Variants in ELFN2 observed in about 807,000 individuals in gnomAD.
ELFN2 encodes extracellular leucine rich repeat and fibronectin type III domain containing 2, also known as protein phosphatase 1 regulatory subunit 29.
ELFN2 carries 17 observed loss-of-function variants against 45.5 expected under a neutral mutation model. The observed-to-expected ratio is 0.37, with a 90% CI of 0.26 to 0.56. ELFN2 has a LOEUF of 0.56. Among genes scored for constraint, ELFN2 ranks in the 20% least tolerant of loss-of-function variants. The pLI, the probability that ELFN2 is intolerant of heterozygous loss-of-function variation, is 0.77. For missense variants in ELFN2, 922 were observed against 1,183.2 expected (o/e 0.78, Z 3.24); for synonymous variants, 550 against 551.5 (o/e 1.00, Z 0.04).
intron 1 of ELFN2, among the ~76,000 whole-genome samples, chr22:37,357,555 CCCAAAA>C (rs1458695417): frequency 1.3e-5 from 2 of 152,202 alleles, no homozygotes; most frequent in Admixed American, 1.3e-4. Flanking sequence ...CACTACACTT[CCCAAAA>C]CCATCTGTAG....
intron 1 of ELFN2, among the ~76,000 whole-genome samples, chr22:37,344,396 C>A (rs370081597): frequency 1.6e-4 from 24 of 151,984 alleles, no homozygotes; most frequent in African/African-American, 5.6e-4. Flanking sequence ...GGAGCCCTGA[C>A]CCCATCCCAA....
intron 1 of ELFN2, among the ~76,000 whole-genome samples, chr22:37,355,305 C>T (rs573542120): frequency 1.3e-5 from 2 of 152,362 alleles, no homozygotes; most frequent in East Asian, 3.9e-4. Flanking sequence ...CTCTTCCCCA[C>T]CTCGAGTCAG....
At position 37,373,020 on chromosome 22, in the gene ELFN2, C is replaced by A. The variant is rs1931420003; in HGVS notation, c.*52G>T. 13 of 1,529,232 alleles carry A rather than the reference C, an allele frequency of 8.5e-6. No individual in the cohort carries two copies. The highest frequency in any genetic ancestry group is 1.3e-5 in the South Asian group (1 of 78,784). 94.7% of individuals were successfully genotyped at this position (1,529,232 alleles called of 1,614,324 possible). A position where few individuals can be genotyped will look rare whatever the true frequency, so the allele number is the denominator to read the frequency against. Reference sequence around the variant, plus strand: ...GCCCTGGCCGCCTGGACCCTTCCCCCAAAAGGCCCCCAGCCCTCTGGCTCC... The same window carrying A: ...GCCCTGGCCGCCTGGACCCTTCCCCAAAAAGGCCCCCAGCCCTCTGGCTCC... On this transcript the variant is annotated 3_prime_UTR_variant, in exon 3 of 3. Transcript: ENST00000402918.
chr22:37,362,461 T>A (rs894562545), intron 1 of ELFN2, among the ~76,000 whole-genome samples: 2 of 152,204 alleles, frequency 1.3e-5, no homozygotes, highest in African/African-American at 4.8e-5. Context: ...ACCAGAATTT[T>A]AGCAACAAGA....
At position 37,373,684 on chromosome 22, in the gene ELFN2, C is replaced by A. The variant is rs747076955; in HGVS notation, c.1851G>T (p.Gln617His). ...GGGTCACGGCCGCGTCGGCGCTCAGCTGGCGCTGTAGTGGGTGGTGGGAGC... is the reference window on the plus strand; with the variant it reads ...GGGTCACGGCCGCGTCGGCGCTCAGATGGCGCTGTAGTGGGTGGTGGGAGC... The part of the protein sequence containing the change: ...KESSHHPLQR[Q>H]LSADAAVTRK... Residue 617 changes from glutamine (Q) to histidine (H), a missense_variant, in exon 3 of 3, where the codon CAG becomes CAT. Physicochemically the swap from Gln to His is conservative, Grantham distance 24 (BLOSUM62 0). Coordinates refer to ENST00000402918, the MANE Select transcript of ELFN2 (RefSeq NM_052906.5). 1 of 1,567,742 alleles carries A rather than the reference C, an allele frequency of 6.4e-7. No homozygotes were observed. Among genetic ancestry groups the A allele is most frequent in the Non-Finnish European group, 8.6e-7 (1 of 1,159,796 alleles).
chr22:37,344,262 C>T (rs1008367710), intron 1 of ELFN2, among the ~76,000 whole-genome samples: 25 of 116,220 alleles, frequency 2.2e-4, no homozygotes, highest in African/African-American at 7.2e-4. Flanking sequence ...CCACCTACAA[C>T]GCAATGGTGG....
chr22:37,417,474 C>T lies in ELFN2; in HGVS notation c.-463+295G>A, dbSNP rs1016478083. On this transcript the variant is annotated intron_variant, in intron 2 of 2. Transcript: ENST00000402918. The surrounding 1 kb of genome is among the most constrained non-coding windows in gnomAD (Gnocchi z 4.5). ...ACTAAGCCTGCCTCAGCCTCTCTGC[C>T]GGGTGATGGGGCAGGAGCTGGGGTC... is the stretch of plus-strand genomic sequence containing the variant. Among the ~76,000 whole-genome samples, 11 of 152,214 alleles carry T rather than the reference C, an allele frequency of 7.2e-5. No individual in the cohort carries two copies. The highest frequency in any genetic ancestry group is 5.8e-4 in the East Asian group (3 of 5,190).
chr22:37,395,704 C>T (rs1336705213), intron 2 of ELFN2, among the ~76,000 whole-genome samples: 1 of 152,208 alleles, frequency 6.6e-6, no homozygotes. Flanking sequence ...CCTGTCAGCA[C>T]TGGCACAATA....
chr22:37,406,183 G>C (rs765896089), intron 2 of ELFN2, among the ~76,000 whole-genome samples: 3 of 152,028 alleles, frequency 2.0e-5, no homozygotes, highest in Non-Finnish European at 4.4e-5. Context: ...AAAAAACAAG[G>C]GTCCCCTATC....
chr22:37,344,363 A>G (rs548964194), intron 1 of ELFN2, among the ~76,000 whole-genome samples: 5 of 151,474 alleles, frequency 3.3e-5, no homozygotes, highest in African/African-American at 7.3e-5. Flanking sequence ...TCACACACAA[A>G]TCTACATGCG....
intron 2 of ELFN2, among the ~76,000 whole-genome samples, chr22:37,342,326 C>G (rs1930577261): frequency 6.6e-6 from 1 of 152,192 alleles, no homozygotes. Context: ...GCCCCTTTCT[C>G]CCATTATTGC....
intron 1 of ELFN2, among the ~76,000 whole-genome samples, chr22:37,423,824 C>T (rs956191613): frequency 4.6e-5 from 7 of 152,188 alleles, no homozygotes; most frequent in South Asian, 2.1e-4. Context: ...TGGGGACTGT[C>T]GGCAGAGCTA....
chr22:37,374,545 G>A lies in ELFN2; in HGVS notation c.990C>T (p.Asn330=), dbSNP rs1482745392. 6.2e-7 allele frequency: 1 copy of A among 1,614,124 alleles called. No homozygotes were observed. The highest frequency in any genetic ancestry group is 8.5e-7 in the Non-Finnish European group (1 of 1,180,050). ...GGGTCATGACGTCGGAGAAGTAGCT[G>A]TTGTTGTACTGCACGAGGATGTACA... ...SKMYILVQYN[N]SYFSDVMTLK... Residue 330 remains asparagine (N), a synonymous_variant, in exon 3 of 3, where the codon AAC becomes AAT. Transcript: ENST00000402918.
chr22:37,382,109 G>A (rs1931800824), intron 2 of ELFN2, among the ~76,000 whole-genome samples: 1 of 152,018 alleles, frequency 6.6e-6, no homozygotes, highest in Non-Finnish European at 1.5e-5. Context: ...CCATTTTACA[G>A]GCAAGGAACT....
intron 2 of ELFN2, among the ~76,000 whole-genome samples, chr22:37,404,272 G>A (rs533850266): frequency 1.9e-4 from 29 of 152,274 alleles, no homozygotes; most frequent in Middle Eastern, 3.4e-3. Flanking sequence ...TGGCGCCAGC[G>A]GCCTGTGAGG....
At chr22:37,347,364 G>A in intron 1 of ELFN2, among the ~76,000 whole-genome samples, 1 of 152,112 alleles carries the variant, frequency 6.6e-6, no homozygotes. Context: ...GGTATTCATA[G>A]TCAGACATTA....
intron 1 of ELFN2, among the ~76,000 whole-genome samples, chr22:37,347,370 C>T (rs1043455578): frequency 6.6e-6 from 1 of 152,176 alleles, no homozygotes; most frequent in Non-Finnish European, 1.5e-5. Context: ...CATAGTCAGA[C>T]ATTACTGCCT....
chr22:37,356,792 G>A (rs1930960834), intron 1 of ELFN2, among the ~76,000 whole-genome samples: 1 of 152,196 alleles, frequency 6.6e-6, no homozygotes, highest in Admixed American at 6.5e-5. Context: ...CAGCTGGTAA[G>A]TCCAGAGCAG....
At chr22:37,379,097 G>A (rs1931672654) in intron 2 of ELFN2, among the ~76,000 whole-genome samples, 1 of 152,154 alleles carries the variant, frequency 6.6e-6, no homozygotes, top group African/African-American at 2.4e-5. Context: ...TGAGAATGGT[G>A]GAAAAGCAAA....
Sources: gnomAD v4.1 joint callset for allele counts (sites outside exome capture counted in the v4.1 genomes callset) on GRCh38, gnomAD v4.1.1 for gene constraint, Gnocchi (gnomAD v3.1) non-coding constraint, MANE v1.5 for transcripts, NCBI Gene and HGNC (gene_info 2026-07-23, HGNC 2026-07-21) for gene names.